Variants in BTBD7 observed in about 807,000 individuals in gnomAD.
BTBD7 encodes BTB domain containing 7, also known as BTB/POZ domain-containing protein 7.
A neutral mutation model predicts 99.9 loss-of-function variants in BTBD7; 38 were observed. The ratio of observed to expected loss-of-function variants is 0.38; its 90% CI spans 0.29 to 0.50. The LOEUF is 0.50. BTBD7 is among the 20% of genes least tolerant of loss of function. BTBD7 has a pLI of 0.93. For synonymous variants in BTBD7, 520 were observed against 511.4 expected, an observed-to-expected ratio of 1.02 and a Z score of -0.23; for missense variants, 1,170 against 1,394.6, an observed-to-expected ratio of 0.84 and a Z score of 2.57.
chr14:93,243,626 T>C (rs2052265772), intron 10 of BTBD7, among the ~76,000 whole-genome samples: 1 of 152,202 alleles, frequency 6.6e-6, no homozygotes, highest in African/African-American at 2.4e-5. Flanking sequence ...TATATACTGA[T>C]GAAATTTAGT....
Position 93,253,630 on chromosome 14 carries a change from C to G in BTBD7, c.1752+17G>C, listed in dbSNP as rs1189437672. The G allele has an allele frequency of 1.2e-6, 2 of 1,606,654 alleles. No individual in the cohort carries two copies. Among genetic ancestry groups the G allele is most frequent in the East Asian group, 4.5e-5 (2 of 44,850 alleles). ...TTGTAATAAAGTAGTCTACTATCTT[C>G]AAATGGTTTTCATTACCTTTGCTTC... On this transcript the variant is annotated intron_variant, in intron 7 of 10. Transcript: ENST00000334746.
chr14:93,253,663 T>C lies in BTBD7; in HGVS notation c.1736A>G (p.Tyr579Cys), dbSNP rs961173578. The C allele has an allele frequency of 5.5e-5, 89 of 1,609,664 alleles. No homozygotes were observed. Among genetic ancestry groups the C allele is most frequent in the Non-Finnish European group, 7.1e-5 (84 of 1,176,962 alleles). The change falls in exon 7 of 11, where the codon TAT becomes TGT. Residue 579 changes from tyrosine to cysteine, a missense_variant. Physicochemically the swap from Tyr to Cys is radical, Grantham distance 194. This residue lies in a region of BTBD7 where 309 missense variants were observed against 342.0 expected (regional missense o/e 0.90). Transcript: ENST00000334746. ...IYVRPRLFSP[Y>C]VEEAKSVLDE... ...TTTCATTACCTTTGCTTCTTCCACATAGGGAGAGAAGAGTCGAGGACGAAC... is the reference window on the plus strand; with the variant it reads ...TTTCATTACCTTTGCTTCTTCCACACAGGGAGAGAAGAGTCGAGGACGAAC...
At chr14:93,278,445 A>T (rs1350750216) in intron 3 of BTBD7, among the ~76,000 whole-genome samples, 2 of 152,098 alleles carry the variant, frequency 1.3e-5, no homozygotes, top group African/African-American at 2.4e-5. Flanking sequence ...AAACCTTCTG[A>T]TATCTTCTGG....
At position 93,261,676 on chromosome 14, in the gene BTBD7, G is replaced by A; in HGVS notation, c.1373C>T (p.Ala458Val). 1 of 1,599,780 alleles carries A rather than the reference G, an allele frequency of 6.3e-7. No homozygotes were observed. Among genetic ancestry groups the A allele is most frequent in the Non-Finnish European group, 8.5e-7 (1 of 1,170,938 alleles). Residue 458 changes from alanine (A) to valine (V), a missense_variant and splice_region_variant, in exon 5 of 11, where the codon GCA becomes GTA. Physicochemically the swap from Ala to Val is moderately conservative, Grantham distance 64. Transcript: ENST00000334746. Reference protein sequence around the residue: ...LTAIQSDYLQASEQDILKYLI... With the variant: ...LTAIQSDYLQVSEQDILKYLI... ...ATATTTAAGGATATCTTGTTCACTT[G>A]CCTATAATAAAAAATGGTTTATATT...
chr14:93,304,524 G>A (rs1051890154), intron 1 of BTBD7, among the ~76,000 whole-genome samples: 2 of 152,042 alleles, frequency 1.3e-5, no homozygotes, highest in African/African-American at 4.8e-5. Context: ...GCTAATTTTT[G>A]TATTTTTAGT....
In BTBD7 at chr14:93,257,374, A is replaced by G. The variant is rs1292855820; in HGVS notation, c.1448-19T>C. The G allele has an allele frequency of 3.8e-6, 6 of 1,583,698 alleles. No homozygotes were observed. Among genetic ancestry groups the G allele is most frequent in the Admixed American group, 1.9e-5 (1 of 53,142 alleles). On this transcript the variant is annotated intron_variant, in intron 5 of 10. Transcript: ENST00000334746. Reference sequence around the variant, plus strand: ...TTTGGCTCTATGAGACAGAAAATGAAAAGTTTCCAACCAAATCCAAATGTT... The same window carrying G: ...TTTGGCTCTATGAGACAGAAAATGAGAAGTTTCCAACCAAATCCAAATGTT...
At chr14:93,284,044 C>G (rs1483818809) in intron 3 of BTBD7, among the ~76,000 whole-genome samples, 3 of 149,006 alleles carry the variant, frequency 2.0e-5, no homozygotes, top group Non-Finnish European at 4.4e-5. Flanking sequence ...ATATAATTTA[C>G]CATAAATTTA....
rs376927108 is a variant in BTBD7 at position 93,242,150 on chromosome 14, T to G, written c.*123A>C. On this transcript the variant is annotated 3_prime_UTR_variant, in exon 11 of 11. Coordinates refer to ENST00000334746, the MANE Select transcript of BTBD7 (RefSeq NM_001002860.4). ...AATAAACACATATATACACAAAAAC[T>G]AGAACAAAATCATGTGAAACCGAGT... 3 of 882,288 alleles carry G rather than the reference T, an allele frequency of 3.4e-6. No individual in the cohort carries two copies. In the African/African-American group the frequency reaches 5.1e-5, roughly 15 times the overall value. The allele number at this position is 882,288 out of a possible 1,614,324, so 54.7% of individuals were successfully genotyped here. A position where few individuals can be genotyped will look rare whatever the true frequency, so the allele number is the denominator to read the frequency against.
At chr14:93,309,956 T>C (rs1194682757) in intron 1 of BTBD7, among the ~76,000 whole-genome samples, 4 of 138,364 alleles carry the variant, frequency 2.9e-5, no homozygotes, top group South Asian at 2.4e-4. Flanking sequence ...CATTTACCAA[T>C]TGGCAGGTGT....
At chr14:93,245,475 T>G (rs1414355955) in intron 10 of BTBD7, among the ~76,000 whole-genome samples, 1 of 152,248 alleles carries the variant, frequency 6.6e-6, no homozygotes, top group Admixed American at 6.5e-5. Flanking sequence ...TACAGAATAG[T>G]AGAAGTTAGG....
intron 1 of BTBD7, among the ~76,000 whole-genome samples, chr14:93,321,147 CACT>C (rs976013625): frequency 1.3e-5 from 2 of 152,166 alleles, no homozygotes; most frequent in Non-Finnish European, 2.9e-5. Flanking sequence ...TTTACTGACA[CACT>C]ACATGAAAGG....
chr14:93,324,421 C>CAAAAAAAAAAATA (rs1555393943), intron 1 of BTBD7, among the ~76,000 whole-genome samples: 5 of 89,956 alleles, frequency 5.6e-5, no homozygotes, highest in South Asian at 3.2e-4. Context: ...GACCCTGTCT[C>CAAAAAAAAAAATA]AAAAAAAAAA....
intron 10 of BTBD7, among the ~76,000 whole-genome samples, chr14:93,244,836 ACTTACAAAT>A (rs1431936070): frequency 2.0e-5 from 3 of 149,420 alleles, no homozygotes; most frequent in Non-Finnish European, 3.0e-5. Flanking sequence ...GAGTATGAAG[ACTTACAAAT>A]CTTACAAATC....
chr14:93,306,879 A>G (rs2053076848), intron 1 of BTBD7, among the ~76,000 whole-genome samples: 1 of 152,174 alleles, frequency 6.6e-6, no homozygotes, highest in African/African-American at 2.4e-5. Flanking sequence ...TTTAGAGATC[A>G]TTTCTTAAAA....
chr14:93,281,651 T>C (rs2052721264), intron 3 of BTBD7, among the ~76,000 whole-genome samples: 1 of 152,218 alleles, frequency 6.6e-6, no homozygotes, highest in Non-Finnish European at 1.5e-5. Context: ...AAAAGTTATA[T>C]AGTGTGATGT....
intron 3 of BTBD7, among the ~76,000 whole-genome samples, chr14:93,265,096 G>A (rs769971042): frequency 5.9e-5 from 9 of 152,094 alleles, no homozygotes; most frequent in Non-Finnish European, 8.8e-5. Context: ...GCAAGACTCC[G>A]TCTCAAATAA....
chr14:93,330,183 T>C (rs2053385943), intron 1 of BTBD7, among the ~76,000 whole-genome samples: 1 of 152,226 alleles, frequency 6.6e-6, no homozygotes, highest in Non-Finnish European at 1.5e-5. Context: ...AAAGGCTCTC[T>C]ATACCTTGCA....
intron 1 of BTBD7, among the ~76,000 whole-genome samples, chr14:93,297,943 A>G (rs1440459284): frequency 6.6e-6 from 1 of 152,236 alleles, no homozygotes; most frequent in East Asian, 1.9e-4. Context: ...TCTGAGTGTA[A>G]GGGGAGATGG....
At position 93,332,860 on chromosome 14, in the gene BTBD7, G is replaced by A. The variant is rs1267874750; in HGVS notation, c.-147C>T. 5 of 1,474,100 alleles carry A rather than the reference G, an allele frequency of 3.4e-6. No individual in the cohort carries two copies. The highest frequency in any genetic ancestry group is 6.0e-5 in the East Asian group (2 of 33,562). 91.3% of individuals were successfully genotyped at this position (1,474,100 alleles called of 1,614,324 possible). On this transcript the variant is annotated 5_prime_UTR_variant, in exon 1 of 11. Transcript: ENST00000334746. ...CGCCGCTGCTGCTGCCGCTGGGACC[G>A]CTGCCGTCGCCTCCGCCGCCGCCGC...
Sources: allele counts gnomAD v4.1 joint callset (sites outside exome capture counted in the v4.1 genomes callset), GRCh38; gene constraint gnomAD v4.1.1; regional missense constraint gnomAD v4.1.1; transcripts MANE v1.5; gene names NCBI Gene and HGNC (gene_info 2026-07-23, HGNC 2026-07-21).